The following SND1 variants were observed in gnomAD, a reference collection of about 807,000 sequenced individuals.
SND1 encodes staphylococcal nuclease and tudor domain containing 1.
SND1 carries 38 observed loss-of-function variants against 121.7 expected under a neutral mutation model. That is an observed-to-expected ratio of 0.31 (90% CI 0.24 to 0.41). SND1 has a LOEUF of 0.41. Among genes scored for constraint, SND1 ranks in the 10% least tolerant of loss-of-function variants. The pLI, the probability that SND1 is intolerant of heterozygous loss-of-function variation, is 1.00. For missense variants in SND1, 868 were observed against 1,184.6 expected (o/e 0.73, Z 3.92); for synonymous variants, 401 against 447.4 (o/e 0.90, Z 1.31).
intron 1 of SND1, among the ~76,000 whole-genome samples, chr7:127,661,621 C>G (rs1041967923): frequency 6.6e-6 from 1 of 152,080 alleles, no homozygotes. Flanking sequence ...TCAGGTCTTA[C>G]GAAGTCCTTA....
At chr7:127,987,515 G>C (rs1423420456) in intron 15 of SND1, among the ~76,000 whole-genome samples, 1 of 152,182 alleles carries the variant, frequency 6.6e-6, no homozygotes, top group Non-Finnish European at 1.5e-5. Context: ...CATTTGTGTG[G>C]TCTCCTCTCT....
intron 1 of SND1, among the ~76,000 whole-genome samples, chr7:127,653,913 C>G (rs1383680276): frequency 3.3e-5 from 5 of 152,158 alleles, no homozygotes; most frequent in African/African-American, 1.2e-4. Context: ...AAATACTGAC[C>G]TGACCCATGA....
At chr7:127,838,920 C>T (rs973349795) in intron 11 of SND1, among the ~76,000 whole-genome samples, 3 of 152,180 alleles carry the variant, frequency 2.0e-5, no homozygotes, top group South Asian at 2.1e-4. Flanking sequence ...TTAGATAGAA[C>T]GTACAATGAT....
intron 4 of SND1, among the ~76,000 whole-genome samples, chr7:127,699,312 T>C (rs914582367): frequency 2.0e-5 from 3 of 152,210 alleles, no homozygotes; most frequent in African/African-American, 7.2e-5. Flanking sequence ...GCACTGAGAA[T>C]ATAGTGTGAA....
chr7:127,844,523 C>A (rs1028789638), intron 12 of SND1, 99 bp downstream of exon 12: 2 of 936,684 alleles, frequency 2.1e-6, no homozygotes, highest in Middle Eastern at 2.3e-4. Context: ...GCTTTGCTTT[C>A]TCCTGCTCTT....
intron 1 of SND1, among the ~76,000 whole-genome samples, chr7:127,657,910 G>A (rs1295452346): frequency 6.6e-6 from 1 of 152,196 alleles, no homozygotes; most frequent in Non-Finnish European, 1.5e-5. Context: ...ATGTGTTTAA[G>A]GGTGATAAAA....
At chr7:127,987,476 A>G (rs1379135001) in intron 15 of SND1, among the ~76,000 whole-genome samples, 3 of 152,180 alleles carry the variant, frequency 2.0e-5, no homozygotes, top group African/African-American at 7.2e-5. Flanking sequence ...AGCAGCAACG[A>G]CAACTGACTT....
At chr7:127,899,355 T>C (rs1800182815) in intron 13 of SND1, among the ~76,000 whole-genome samples, 1 of 152,098 alleles carries the variant, frequency 6.6e-6, no homozygotes, top group South Asian at 2.1e-4. Flanking sequence ...AAATTTCTGT[T>C]CTCCCAACTA....
In SND1 at chr7:128,074,639, C is replaced by T; in HGVS notation, c.1917C>T (p.Tyr639=). 2.5e-6 allele frequency: 4 copies of T among 1,613,858 alleles called. No homozygotes were observed. Among genetic ancestry groups the T allele is most frequent in the Non-Finnish European group, 3.4e-6 (4 of 1,179,964 alleles). The change falls in exon 17 of 24, where the codon TAC becomes TAT. Residue 639 remains tyrosine, a synonymous_variant. Coordinates refer to ENST00000354725, the MANE Select transcript of SND1 (RefSeq NM_014390.4). ...ACTTCACCGCCGAACGCAGCTCCTACTACAAGTCCCTGCTGTCTGCCGAGG... is the reference window on the plus strand; with the variant it reads ...ACTTCACCGCCGAACGCAGCTCCTATTACAAGTCCCTGCTGTCTGCCGAGG... ...KVHFTAERSS[Y]YKSLLSAEEA... is the part of the protein sequence containing the mutation.
intron 1 of SND1, among the ~76,000 whole-genome samples, chr7:127,658,145 CT>C (rs1230468167): frequency 6.6e-6 from 1 of 152,068 alleles, no homozygotes; most frequent in Non-Finnish European, 1.5e-5. Context: ...AACCCTATCT[CT>C]ACTAAAAATA....
In SND1 at chr7:128,046,197, A is replaced by T. The variant is rs115603812; in HGVS notation, c.1780-28305A>T. Among the ~76,000 whole-genome samples the T allele has an allele frequency of 1.8e-3, 279 of 152,258 alleles. 2 individuals carry two copies. The highest frequency in any genetic ancestry group is 6.8e-3 in the Middle Eastern group (2 of 294). On this transcript the variant is annotated intron_variant, in intron 16 of 23. Transcript: ENST00000354725. ...CTGGAGCCTCAAACTCCTGAGCTAA[A>T]GCAATCCTCCCAACCTCAGCCTCCT...
chr7:127,931,162 TC>T (rs1389169321), intron 15 of SND1, among the ~76,000 whole-genome samples: 3 of 152,176 alleles, frequency 2.0e-5, no homozygotes, highest in African/African-American at 7.2e-5. Flanking sequence ...ATGCCTGTAC[TC>T]CCAGCTACTC....
chr7:127,766,031 G>A (rs184456252), intron 10 of SND1, among the ~76,000 whole-genome samples: 2 of 152,260 alleles, frequency 1.3e-5, no homozygotes, highest in Admixed American at 6.5e-5. Flanking sequence ...TAACAGTGCC[G>A]AGAGGTAGGG....
At position 127,887,981 on chromosome 7, in the gene SND1, C is replaced by T; in HGVS notation, c.1423C>T (p.His475Tyr). The change falls in exon 13 of 24, where the codon CAC (histidine) becomes TAC (tyrosine). Residue 475 changes from histidine to tyrosine, a missense_variant. Transcript: ENST00000354725. ...YRQDDDQRSS[H>Y]YDELLAAEAR... Reference sequence around the variant, plus strand: ...GCAGGATGATGACCAGAGATCATCACACTACGATGAACTGCTTGCTGCAGA... The same window carrying T: ...GCAGGATGATGACCAGAGATCATCATACTACGATGAACTGCTTGCTGCAGA... The T allele has an allele frequency of 6.2e-7, 1 of 1,611,722 alleles. No individual in the cohort carries two copies. Among genetic ancestry groups the T allele is most frequent in the Non-Finnish European group, 8.5e-7 (1 of 1,178,422 alleles).
At chr7:127,983,495 G>C (rs547802069) in intron 15 of SND1, among the ~76,000 whole-genome samples, 1 of 152,194 alleles carries the variant, frequency 6.6e-6, no homozygotes, top group South Asian at 2.1e-4. Flanking sequence ...CTTGCCTCCT[G>C]TTCCTCTCCC....
intron 16 of SND1, among the ~76,000 whole-genome samples, chr7:128,013,588 T>C (rs1803160424): frequency 6.6e-6 from 1 of 152,218 alleles, no homozygotes. Context: ...AAGACAATTT[T>C]TCCATGGACT....
At chr7:127,707,972 T>C (rs924457808) in intron 9 of SND1, among the ~76,000 whole-genome samples, 2 of 152,192 alleles carry the variant, frequency 1.3e-5, no homozygotes, top group Non-Finnish European at 2.9e-5. Flanking sequence ...GTATAGATGG[T>C]CCCTGACTTA....
intron 16 of SND1, chr7:128,030,131 C>T (rs773975668): frequency 1.1e-5 from 18 of 1,614,164 alleles, no homozygotes; most frequent in Middle Eastern, 1.6e-4. Context: ...TGAGGGAGGG[C>T]ACCCGGTTGA....
chr7:127,919,733 T>C (rs1452043563), intron 14 of SND1, among the ~76,000 whole-genome samples: 1 of 152,210 alleles, frequency 6.6e-6, no homozygotes, highest in African/African-American at 2.4e-5. Flanking sequence ...CATTATCATT[T>C]AATTCTTAGA....
Sources: gnomAD v4.1 joint callset for allele counts (sites outside exome capture counted in the v4.1 genomes callset) on GRCh38, gnomAD v4.1.1 for gene constraint, MANE v1.5 for transcripts, NCBI Gene and HGNC (gene_info 2026-07-23, HGNC 2026-07-21) for gene names.